Variants in FANCC observed in about 807,000 individuals in gnomAD.
FANCC encodes the protein FA complementation group C.
Under a neutral mutation model 71.3 loss-of-function variants are expected in FANCC, and 55 were observed. That is an observed-to-expected ratio of 0.77 (90% confidence interval 0.62 to 0.97). FANCC has a LOEUF of 0.97. FANCC is among the 50% of genes least tolerant of loss of function. FANCC has a pLI of 0.00. For synonymous variants in FANCC, 275 were observed against 244.9 expected, an observed-to-expected ratio of 1.12 and a Z score of -1.15; for missense variants, 678 against 670.9, an observed-to-expected ratio of 1.01 and a Z score of -0.12.
intron 3 of FANCC, among the ~76,000 whole-genome samples, chr9:95,241,690 C>T (rs201861359): frequency 2.6e-5 from 4 of 152,130 alleles, no homozygotes; most frequent in Admixed American, 6.6e-5. Flanking sequence ...GACAGGGTCT[C>T]GCTCTGTCAC....
chr9:95,238,452 C>T (rs957574174), intron 4 of FANCC, among the ~76,000 whole-genome samples: 1 of 152,170 alleles, frequency 6.6e-6, no homozygotes, highest in Non-Finnish European at 1.5e-5. Flanking sequence ...CAACTTATCA[C>T]TACAATAGCT....
chr9:95,236,152 T>C (rs1830308649), intron 4 of FANCC, among the ~76,000 whole-genome samples: 1 of 152,188 alleles, frequency 6.6e-6, no homozygotes, highest in South Asian at 2.1e-4. Context: ...CCTGTTGTGT[T>C]TTTTTGTCTT....
intron 1 of FANCC, among the ~76,000 whole-genome samples, chr9:95,300,062 T>C (rs1159659996): frequency 2.4e-4 from 37 of 152,200 alleles, no homozygotes; most frequent in Non-Finnish European, 1.5e-5. Context: ...AGCCACTTGA[T>C]ATTAGCGGCC....
Position 95,132,227 on chromosome 9 carries a change from C to T in FANCC, c.843+3119G>A, listed in dbSNP as rs956033554. Reference sequence around the variant, plus strand: ...CCGGCCCTGGCATGCAGCTTGCCAGCCAAGCACAGTGCCACCCTGACACCC... The same window carrying T: ...CCGGCCCTGGCATGCAGCTTGCCAGTCAAGCACAGTGCCACCCTGACACCC... On this transcript the variant is annotated intron_variant, in intron 8 of 14. Transcript: ENST00000289081. 7.2e-5 allele frequency among the ~76,000 whole-genome samples: 11 copies of T among 152,282 alleles called. 1 individual carries two copies. The highest frequency in any genetic ancestry group is 2.6e-4 in the African/African-American group (11 of 41,556).
chr9:95,290,284 A>G (rs946781889), intron 1 of FANCC, among the ~76,000 whole-genome samples: 5 of 152,170 alleles, frequency 3.3e-5, no homozygotes, highest in African/African-American at 1.2e-4. Flanking sequence ...CTGGGATCAT[A>G]TATGCTCCAT....
At chr9:95,269,164 TCTCTTC>T (rs1180932106) in intron 1 of FANCC, among the ~76,000 whole-genome samples, 4 of 152,168 alleles carry the variant, frequency 2.6e-5, no homozygotes, top group African/African-American at 9.7e-5. Flanking sequence ...AAAATGAATG[TCTCTTC>T]CTATCAAGCT....
chr9:95,111,463 C>T lies in FANCC; in HGVS notation c.1329G>A (p.Met443Ile), dbSNP rs772133680. Residue 443 changes from methionine to isoleucine, a missense_variant and splice_region_variant, in exon 13 of 15, where the codon ATG (methionine) becomes ATA (isoleucine). Met to Ile is a conservative substitution (Grantham distance 10, BLOSUM62 1). Coordinates refer to ENST00000289081, the MANE Select transcript of FANCC (RefSeq NM_000136.3). ...RDGRQQRAQT[M>I]VQVKAVLGHL... is the part of the protein sequence containing the mutation. ...ACATGCAGTGGGGCCTGCTACCCACCATAGTCTGTGCTCTCTGCTGCCTCC... is the reference window on the plus strand; with the variant it reads ...ACATGCAGTGGGGCCTGCTACCCACTATAGTCTGTGCTCTCTGCTGCCTCC... The T allele has an allele frequency of 1.9e-6, 3 of 1,612,368 alleles. No homozygotes were observed. The South Asian group carries it at 3.3e-5, about 18-fold the overall frequency.
chr9:95,270,909 T>A (rs183271050), intron 1 of FANCC, among the ~76,000 whole-genome samples: 241 of 152,282 alleles, frequency 1.6e-3, no homozygotes, highest in African/African-American at 5.5e-3. Context: ...CACTAGAATG[T>A]TAGGTGTAGT....
intron 4 of FANCC, among the ~76,000 whole-genome samples, chr9:95,199,349 GC>G (rs1238039253): frequency 2.6e-5 from 4 of 151,034 alleles, no homozygotes; most frequent in African/African-American, 9.7e-5. Flanking sequence ...TGCACCCACA[GC>G]CCTCTCTGCC....
At chr9:95,165,404 C>G (rs937966907) in intron 6 of FANCC, among the ~76,000 whole-genome samples, 3 of 150,936 alleles carry the variant, frequency 2.0e-5, no homozygotes, top group African/African-American at 7.3e-5. Context: ...ACACTTTCTT[C>G]TTTTTTAATG....
intron 7 of FANCC, among the ~76,000 whole-genome samples, chr9:95,143,687 A>G (rs3780568): frequency 0.46 from 70,030 of 151,996 alleles, 16,345 homozygotes; most frequent in East Asian, 0.58. Flanking sequence ...CCAGTCTTCA[A>G]GCTTCTCAGT....
chr9:95,168,005 G>A (rs541177770), intron 6 of FANCC, among the ~76,000 whole-genome samples: 1 of 152,320 alleles, frequency 6.6e-6, no homozygotes, highest in East Asian at 1.9e-4. Flanking sequence ...ACATTCTGGA[G>A]GTCCCTCAAA....
At chr9:95,162,117 C>T (rs1830785199) in intron 6 of FANCC, among the ~76,000 whole-genome samples, 1 of 152,230 alleles carries the variant, frequency 6.6e-6, no homozygotes, top group South Asian at 2.1e-4. Context: ...GCTGGGATTA[C>T]AGGTGTGAGC....
chr9:95,222,759 ATAAT>A (rs1476151301), intron 4 of FANCC, among the ~76,000 whole-genome samples: 1 of 152,234 alleles, frequency 6.6e-6, no homozygotes, highest in Non-Finnish European at 1.5e-5. Context: ...TTATGATTCC[ATAAT>A]CCTAACAAAG....
chr9:95,157,673 G>A lies in FANCC; in HGVS notation c.522-7586C>T, dbSNP rs76979526. ...TGTAATTCAATCTGGAAAGTGTTGC[G>A]TAACTCTCCACTTGAACTTGGATCT... On this transcript the variant is annotated intron_variant, in intron 6 of 14. Coordinates refer to ENST00000289081, the MANE Select transcript of FANCC (RefSeq NM_000136.3). Among the ~76,000 whole-genome samples, 10 of 152,226 alleles carry A rather than the reference G, an allele frequency of 6.6e-5. 1 individual carries two copies. Among genetic ancestry groups the A allele is most frequent in the East Asian group, 1.9e-4 (1 of 5,180 alleles).
At chr9:95,303,841 C>T (rs1470012524) in intron 1 of FANCC, among the ~76,000 whole-genome samples, 1 of 152,120 alleles carries the variant, frequency 6.6e-6, no homozygotes, top group Non-Finnish European at 1.5e-5. Flanking sequence ...ATAACACAAC[C>T]CTCTACTCTT....
chr9:95,103,317 G>A (rs1444049993), intron 14 of FANCC, among the ~76,000 whole-genome samples: 3 of 152,148 alleles, frequency 2.0e-5, no homozygotes, highest in African/African-American at 7.2e-5. Context: ...CCCTGCAGCC[G>A]CCTGGAAAAC....
rs559664844 is a variant in FANCC, at chr9:95,168,041, G to C, written c.521+3038C>G. Among the ~76,000 whole-genome samples, 12 of 152,264 alleles carry C rather than the reference G, an allele frequency of 7.9e-5. No individual in the cohort carries two copies. In the South Asian group the frequency reaches 2.5e-3, roughly 32 times the overall value. The stretch of plus-strand genomic sequence containing the variant: ...CCTTTTCCAGGGATATATCTTCTCT[G>C]GGCTTATGCGTGTGATTTCCAAATT... On this transcript the variant is annotated intron_variant, in intron 6 of 14. Coordinates refer to ENST00000289081, the MANE Select transcript of FANCC (RefSeq NM_000136.3).
chr9:95,293,107 G>T, intron 1 of FANCC: 7 of 1,612,964 alleles, frequency 4.3e-6, no homozygotes, highest in Non-Finnish European at 5.9e-6. Context: ...AGACACCCAA[G>T]AACTAGAAGC....
Sources: allele counts gnomAD v4.1 joint callset (sites outside exome capture counted in the v4.1 genomes callset), GRCh38; gene constraint gnomAD v4.1.1; transcripts MANE v1.5; gene names NCBI Gene and HGNC (gene_info 2026-07-23, HGNC 2026-07-21).